Variants in AFF3 observed in about 807,000 individuals in gnomAD.
AFF3 encodes the protein ALF transcription elongation factor 3.
A neutral mutation model predicts 129.7 loss-of-function variants in AFF3; 32 were observed. That is an observed-to-expected ratio of 0.25 (90% CI 0.19 to 0.33). AFF3 has a LOEUF of 0.33. Among genes scored for constraint, AFF3 ranks in the 10% least tolerant of loss-of-function variants. The probability of loss-of-function intolerance (pLI) is 1.00; values close to 1 mark genes in which losing one functional copy is unlikely to be tolerated. For missense variants in AFF3, 1,373 were observed against 1,592.0 expected, an observed-to-expected ratio of 0.86 and a Z score of 2.34; for synonymous variants, 644 against 635.4, an observed-to-expected ratio of 1.01 and a Z score of -0.20.
chr2:100,050,160 T>A (rs1314580590), intron 4 of AFF3, among the ~76,000 whole-genome samples: 2 of 150,870 alleles, frequency 1.3e-5, no homozygotes, highest in East Asian at 4.0e-4. Context: ...ATCACACCAC[T>A]GCACTCCAGC....
intron 8 of AFF3, among the ~76,000 whole-genome samples, chr2:99,792,117 T>C (rs982481610): frequency 6.6e-6 from 1 of 152,170 alleles, no homozygotes; most frequent in African/African-American, 2.4e-5. Flanking sequence ...TAACTTTGCA[T>C]TTTCCCTAGG....
intron 7 of AFF3, among the ~76,000 whole-genome samples, chr2:99,925,480 A>G (rs1388285831): frequency 6.6e-6 from 1 of 152,200 alleles, no homozygotes; most frequent in African/African-American, 2.4e-5. Flanking sequence ...ACTACATATT[A>G]AAGTCTTTGT....
chr2:99,902,905 C>G (rs138305946), intron 7 of AFF3, among the ~76,000 whole-genome samples: 89 of 152,154 alleles, frequency 5.8e-4, no homozygotes, highest in African/African-American at 2.1e-3. Flanking sequence ...TCTTGTGAAT[C>G]CCATTTTATC....
intron 11 of AFF3, among the ~76,000 whole-genome samples, chr2:99,697,439 C>T (rs2104739556): frequency 6.6e-6 from 1 of 152,268 alleles, no homozygotes; most frequent in African/African-American, 2.4e-5. Flanking sequence ...TGTGAAGAGT[C>T]CAGAGTTTTT....
chr2:99,665,964 A>G (rs2030689), intron 12 of AFF3, among the ~76,000 whole-genome samples: 86,871 of 151,928 alleles, frequency 0.57, 25,440 homozygotes, highest in African/African-American at 0.7. Flanking sequence ...TGGGGGCCCA[A>G]TGAGGAGCAT....
intron 7 of AFF3, among the ~76,000 whole-genome samples, chr2:99,949,056 T>TG (rs1340580858): frequency 1.3e-5 from 2 of 152,294 alleles, no homozygotes; most frequent in African/African-American, 4.8e-5. Context: ...TCCATGGATT[T>TG]GGGGGTCAGA....
intron 10 of AFF3, among the ~76,000 whole-genome samples, chr2:99,734,306 GT>G (rs1680074866): frequency 1.3e-5 from 2 of 152,036 alleles, no homozygotes; most frequent in African/African-American, 4.8e-5. Flanking sequence ...ATTCTTTTGA[GT>G]TTTCTGCATA....
intron 14 of AFF3, among the ~76,000 whole-genome samples, chr2:99,597,781 G>A (rs938455868): frequency 2.6e-5 from 4 of 152,176 alleles, no homozygotes; most frequent in African/African-American, 9.7e-5. Context: ...GTCCATCCGG[G>A]GTTTCTGCCC....
intron 7 of AFF3, among the ~76,000 whole-genome samples, chr2:99,986,109 G>A (rs763760499): frequency 2.6e-5 from 4 of 151,504 alleles, no homozygotes; most frequent in African/African-American, 9.7e-5. Flanking sequence ...GCTGAAGCAG[G>A]AGAATGGTGT....
intron 7 of AFF3, among the ~76,000 whole-genome samples, chr2:99,943,943 C>T (rs1434692677): frequency 6.6e-6 from 1 of 151,764 alleles, no homozygotes; most frequent in Admixed American, 6.6e-5. Context: ...CAGGGTTTTG[C>T]CCAGGCTGGA....
chr2:100,035,023 G>A (rs1188277207), intron 4 of AFF3, among the ~76,000 whole-genome samples: 4 of 152,060 alleles, frequency 2.6e-5, no homozygotes, highest in African/African-American at 9.7e-5. Flanking sequence ...TATCCTCAAG[G>A]CCACCAAGGA....
At chr2:99,718,687 TC>T (rs1305837325) in intron 11 of AFF3, among the ~76,000 whole-genome samples, 1 of 152,246 alleles carries the variant, frequency 6.6e-6, no homozygotes, top group East Asian at 1.9e-4. Context: ...ATTGCTGTAT[TC>T]CTGATCTTAG....
Position 99,594,104 on chromosome 2 carries a change from T to G in AFF3, c.1557A>C (p.Arg519Ser). The G allele has an allele frequency of 6.2e-7, 1 of 1,614,058 alleles. No individual in the cohort carries two copies. Among genetic ancestry groups the G allele is most frequent in the South Asian group, 1.1e-5 (1 of 91,060 alleles). ...KVPDVCQPSL[R>S]EKEIKSTCKE... ...TGCAAGTGCTCTTGATCTCCTTCTC[T>G]CTCAGGCTGGGCTGGCAAACGTCGG... The change falls in exon 15 of 25, where the codon AGA (arginine) becomes AGC (serine). Residue 519 changes from arginine (R) to serine (S), a missense_variant. This residue lies in a region of AFF3 where 413 missense variants were observed against 424.4 expected (regional missense o/e 0.97). Coordinates refer to ENST00000672756, the MANE Select transcript of AFF3 (RefSeq NM_001386135.1).
At chr2:99,662,637 G>GT (rs1686348032) in intron 12 of AFF3, among the ~76,000 whole-genome samples, 1 of 152,130 alleles carries the variant, frequency 6.6e-6, no homozygotes, top group Non-Finnish European at 1.5e-5. Context: ...ACTATACTCA[G>GT]TTTTTTGCAA....
intron 7 of AFF3, among the ~76,000 whole-genome samples, chr2:99,894,179 T>C (rs1222182057): frequency 2.8e-5 from 4 of 144,822 alleles, no homozygotes; most frequent in Admixed American, 1.4e-4. Context: ...CCCAGAAAAA[T>C]ACACATTGAT....
chr2:99,800,912 C>T (rs1300615765), intron 8 of AFF3, among the ~76,000 whole-genome samples: 1 of 152,038 alleles, frequency 6.6e-6, no homozygotes, highest in Non-Finnish European at 1.5e-5. Context: ...CAGTGGTGGC[C>T]TGGGGATGAG....
intron 7 of AFF3, among the ~76,000 whole-genome samples, chr2:99,866,620 TG>T (rs35544865): frequency 0.072 from 10,899 of 152,126 alleles, 719 homozygotes; most frequent in Non-Finnish European, 0.097. Flanking sequence ...TGAATCAGAC[TG>T]GAAGAGTCTG....
intron 7 of AFF3, among the ~76,000 whole-genome samples, chr2:99,894,023 T>C (rs948420998): frequency 1.3e-5 from 2 of 151,862 alleles, no homozygotes; most frequent in African/African-American, 2.4e-5. Flanking sequence ...ATGCCAGAGG[T>C]TGCAAATTTC....
rs1674250553 is a variant in AFF3, at chr2:99,549,360, A to G, written c.*2114T>C. ...AACACTTTGGGAGGTGGAGGCGGGT[A>G]GATCACCTGAGGTCAGGAGTTTGAG... On this transcript the variant is annotated 3_prime_UTR_variant, in exon 25 of 25. Transcript: ENST00000672756. 2 of 184,752 alleles carry G rather than the reference A, an allele frequency of 1.1e-5. No individual in the cohort carries two copies. The highest frequency in any genetic ancestry group is 2.3e-5 in the Non-Finnish European group (2 of 87,164). The allele number at this position is 184,752 out of a possible 1,614,324, so 11.4% of individuals were successfully genotyped here. A position where few individuals can be genotyped will look rare whatever the true frequency, so the allele number is the denominator to read the frequency against.
Sources: allele counts gnomAD v4.1 joint callset (sites outside exome capture counted in the v4.1 genomes callset), GRCh38; gene constraint gnomAD v4.1.1; regional missense constraint gnomAD v4.1.1; transcripts MANE v1.5; gene names NCBI Gene and HGNC (gene_info 2026-07-23, HGNC 2026-07-21).